ARID1A: variants seen among roughly 807,000 people sequenced by gnomAD.
ARID1A encodes AT-rich interactive domain-containing protein 1A.
ARID1A carries 20 observed loss-of-function variants against 212.6 expected under a neutral mutation model. That is an observed-to-expected ratio of 0.09 (90% CI 0.07 to 0.14). The LOEUF is 0.14. Among genes scored for constraint, ARID1A ranks in the 10% least tolerant of loss-of-function variants. ARID1A has a pLI of 1.00. For missense variants in ARID1A, 2,587 were observed against 3,059.0 expected (o/e 0.85, Z 3.64); for synonymous variants, 1,376 against 1,222.1 (o/e 1.13, Z -2.63).
chr1:26,779,670 G>A lies in ARID1A; in HGVS notation c.5772G>A (p.Glu1924=), dbSNP rs1012263968. ...MLSTRSSTLT[E]DGAKSSEAIK... ...CTACTCGGTCTAGCACCTTGACCGA[G>A]GATGGAGCTAAGAGTTCAGAGGCCA... The change falls in exon 20 of 20, where the codon GAG becomes GAA. Residue 1924 remains glutamate (E), a synonymous_variant. Transcript: ENST00000324856. 1.2e-6 allele frequency: 2 copies of A among 1,614,022 alleles called. No individual in the cohort carries two copies. The highest frequency in any genetic ancestry group is 2.7e-5 in the African/African-American group (2 of 74,882).
chr1:26,749,982 T>C (rs2080870564), intron 4 of ARID1A, among the ~76,000 whole-genome samples: 1 of 152,176 alleles, frequency 6.6e-6, no homozygotes, highest in South Asian at 2.1e-4. Context: ...GAGTAGATAA[T>C]TCATTGAGCA....
At position 26,697,339 on chromosome 1, in the gene ARID1A, CG is replaced by C. The variant is rs1415214478; in HGVS notation, c.941del (p.Gly314AlafsTer49). The C allele has an allele frequency of 7.5e-7, 1 of 1,330,828 alleles. No homozygotes were observed. The highest frequency in any genetic ancestry group is 9.5e-7 in the Non-Finnish European group (1 of 1,047,302). 82.4% of individuals were successfully genotyped at this position (1,330,828 alleles called of 1,614,324 possible). A position where few individuals can be genotyped will look rare whatever the true frequency, so the allele number is the denominator to read the frequency against. On this transcript the variant is annotated frameshift_variant, in exon 1 of 20. Coordinates refer to ENST00000324856, the MANE Select transcript of ARID1A (RefSeq NM_006015.6). LOFTEE classifies it high-confidence loss of function. ...CGGCCCGGGGCTACCAGGGCTACCCCGGGGGCGACTACAGTGGCGGGCCCCA... is the reference window on the plus strand; with the variant it reads ...CGGCCCGGGGCTACCAGGGCTACCCCGGGGCGACTACAGTGGCGGGCCCCA... The part of the protein sequence containing the change: ...SSARGYQGYP[G>X]GDYSGGPQDG...
rs1218572815 is a variant in ARID1A at position 26,773,902 on chromosome 1, AG to A, written c.4101+6del. On this transcript the variant is annotated splice_donor_5th_base_variant and intron_variant, in intron 17 of 19. Transcript: ENST00000324856. ...AATGTATCAACAGCAACAGCAGGTG[AG>A]GAGGGTAGCTGGGAATGGACTGGCA... 17 of 1,613,940 alleles carry A rather than the reference AG, an allele frequency of 1.1e-5. No individual in the cohort carries two copies. Among genetic ancestry groups the A allele is most frequent in the Non-Finnish European group, 1.4e-5 (16 of 1,179,794 alleles).
At chr1:26,744,721 T>C (rs2080821055) in intron 4 of ARID1A, among the ~76,000 whole-genome samples, 1 of 152,146 alleles carries the variant, frequency 6.6e-6, no homozygotes, top group Non-Finnish European at 1.5e-5. Flanking sequence ...TTATTTTGAG[T>C]TGGGCAGGTT....
In ARID1A at chr1:26,779,155, G is replaced by A. The variant is rs1332591995; in HGVS notation, c.5257G>A (p.Val1753Met). ...TLLDPGRFSK[V>M]SSPAPMEGGE... Reference sequence around the variant, plus strand: ...ACTGGATCCTGGGAGGTTCAGCAAGGTGTCTAGTCCAGCTCCCATGGAGGG... The same window carrying A: ...ACTGGATCCTGGGAGGTTCAGCAAGATGTCTAGTCCAGCTCCCATGGAGGG... Residue 1753 changes from valine to methionine, a missense_variant, in exon 20 of 20, where the codon GTG becomes ATG. Physicochemically the swap from Val to Met is conservative, Grantham distance 21. Coordinates refer to ENST00000324856, the MANE Select transcript of ARID1A (RefSeq NM_006015.6). The A allele has an allele frequency of 1.9e-6, 3 of 1,595,220 alleles. No individual in the cohort carries two copies. Among genetic ancestry groups the A allele is most frequent in the Middle Eastern group, 1.7e-4 (1 of 5,992 alleles).
In ARID1A at chr1:26,696,797, G is replaced by T; in HGVS notation, c.394G>T (p.Val132Leu). 1.5e-6 allele frequency: 2 copies of T among 1,342,548 alleles called. No individual in the cohort carries two copies. Among genetic ancestry groups the T allele is most frequent in the Non-Finnish European group, 1.9e-6 (2 of 1,051,536 alleles). 83.2% of individuals were successfully genotyped at this position (1,342,548 alleles called of 1,614,324 possible). The stretch of plus-strand genomic sequence containing the variant: ...CGGCGGTGGCGGCAGCAGCGATGGG[G>T]TGGGGGCGCCTCCTCACTCAGCCGC... ...GGGGGGSSDG[V>L]GAPPHSAAAA... Residue 132 changes from valine to leucine, a missense_variant, in exon 1 of 20, where the codon GTG (valine) becomes TTG (leucine). Transcript: ENST00000324856.
At chr1:26,744,851 C>T (rs2080822313) in intron 4 of ARID1A, among the ~76,000 whole-genome samples, 1 of 151,302 alleles carries the variant, frequency 6.6e-6, no homozygotes, top group South Asian at 2.1e-4. Context: ...CCCCTCAGAG[C>T]TTAGGGTGAG....
intron 4 of ARID1A, among the ~76,000 whole-genome samples, chr1:26,734,758 A>G (rs1285072490): frequency 2.0e-5 from 3 of 152,172 alleles, no homozygotes; most frequent in African/African-American, 7.2e-5. Context: ...GACAAGTTGG[A>G]TTCCCTACAA....
intron 8 of ARID1A, 28 bp from the exon 9 acceptor site, chr1:26,766,191 GTC>G (rs766036598): frequency 6.2e-7 from 1 of 1,607,502 alleles, no homozygotes; most frequent in African/African-American, 1.3e-5. Context: ...TCTAACCTTT[GTC>G]TCTCTCACTT....
Position 26,696,288 on chromosome 1 carries a change from G to T in ARID1A, c.-116G>T, listed in dbSNP as rs2080250140. ...CAGCGCAGCAGCGGAGCCCCGCGAGGCCCGCCCGGGCGGGTGGGGAGGGCA... is the reference window on the plus strand; with the variant it reads ...CAGCGCAGCAGCGGAGCCCCGCGAGTCCCGCCCGGGCGGGTGGGGAGGGCA... On this transcript the variant is annotated 5_prime_UTR_variant, in exon 1 of 20. Coordinates refer to ENST00000324856, the MANE Select transcript of ARID1A (RefSeq NM_006015.6). 1.8e-6 allele frequency: 2 copies of T among 1,132,850 alleles called. No individual in the cohort carries two copies. The highest frequency in any genetic ancestry group is 2.2e-6 in the Non-Finnish European group (2 of 920,024). The allele number at this position is 1,132,850 out of a possible 1,614,324, so 70.2% of individuals were successfully genotyped here. A position where few individuals can be genotyped will look rare whatever the true frequency, so the allele number is the denominator to read the frequency against.
intron 1 of ARID1A, among the ~76,000 whole-genome samples, chr1:26,701,748 T>A (rs555636345): frequency 2.1e-4 from 32 of 152,298 alleles, no homozygotes; most frequent in African/African-American, 7.0e-4. Flanking sequence ...AACTCAAAGC[T>A]ATTTTCTCCT....
rs2124127044 is a variant in ARID1A, at chr1:26,775,675, G to A, written c.5092G>A (p.Asp1698Asn). The A allele has an allele frequency of 6.2e-7, 1 of 1,614,192 alleles. No individual in the cohort carries two copies. The highest frequency in any genetic ancestry group is 8.5e-7 in the Non-Finnish European group (1 of 1,180,026). ...LDTINILLYDDNSIMTFNLSQ... is the reference protein window; with the variant it reads ...LDTINILLYDNNSIMTFNLSQ... ...TACCATCAACATCCTGCTGTATGAT[G>A]ACAACAGCATCATGACCTTCAACCT... is the stretch of plus-strand genomic sequence containing the variant. Residue 1698 changes from aspartate to asparagine, a missense_variant, in exon 19 of 20, where the codon GAC becomes AAC. Coordinates refer to ENST00000324856, the MANE Select transcript of ARID1A (RefSeq NM_006015.6).
intron 11 of ARID1A, chr1:26,769,818 A>AGGGAGC (rs1355514133): frequency 2.0e-5 from 3 of 152,328 alleles, no homozygotes; most frequent in Non-Finnish European, 4.4e-5. Flanking sequence ...CAGAAAGACT[A>AGGGAGC]ATTGTAGGGA....
rs552902380 is a variant in ARID1A, at chr1:26,772,990, G to A, written c.3715+3G>A. 2 of 1,604,180 alleles carry A rather than the reference G, an allele frequency of 1.2e-6. No homozygotes were observed. Among genetic ancestry groups the A allele is most frequent in the South Asian group, 1.1e-5 (1 of 90,400 alleles). On this transcript the variant is annotated splice_donor_region_variant and intron_variant, in intron 14 of 19. Transcript: ENST00000324856. ...TCCTTATGGCAGCATGAGGAAAGGT[G>A]ACTGATCTGATTGCTATTTGAACTT...
chr1:26,775,858 A>C, intron 19 of ARID1A, 151 bp downstream of exon 19: 1 of 1,143,042 alleles, frequency 8.7e-7, no homozygotes, highest in Non-Finnish European at 1.3e-6. Flanking sequence ...GCCTCTGGGC[A>C]CGGGCCCAGG....
chr1:26,720,074 A>T (rs974425341), intron 1 of ARID1A, among the ~76,000 whole-genome samples: 1 of 151,112 alleles, frequency 6.6e-6, no homozygotes, highest in African/African-American at 2.4e-5. Flanking sequence ...AACATGGTGA[A>T]ACCCCGTTGC....
At chr1:26,773,220 C>T (rs2081099669) in intron 14 of ARID1A, 126 bp from the exon 15 acceptor site, 4 of 1,391,660 alleles carry the variant, frequency 2.9e-6, no homozygotes, top group Non-Finnish European at 3.9e-6. Context: ...CTTTAGATCT[C>T]TGTTTTGAAC....
At chr1:26,768,410 T>C (rs2081057097) in intron 11 of ARID1A, among the ~76,000 whole-genome samples, 2 of 152,218 alleles carry the variant, frequency 1.3e-5, no homozygotes, top group Admixed American at 6.5e-5. Flanking sequence ...AATTTCATTA[T>C]TTGTAAAATA....
chr1:26,726,038 A>G (rs1218031915), intron 1 of ARID1A, among the ~76,000 whole-genome samples: 1 of 151,770 alleles, frequency 6.6e-6, no homozygotes, highest in African/African-American at 2.4e-5. Flanking sequence ...GTATTTTAGT[A>G]GAGACGGGGT....
Sources: allele counts gnomAD v4.1 joint callset (sites outside exome capture counted in the v4.1 genomes callset), GRCh38; gene constraint gnomAD v4.1.1; transcripts MANE v1.5; gene names NCBI Gene and HGNC (gene_info 2026-07-23, HGNC 2026-07-21).